Variants in ARHGAP44 observed in about 807,000 individuals in gnomAD.
The protein encoded by ARHGAP44 is rho GTPase-activating protein 44.
In ARHGAP44, 43 loss-of-function variants were observed where a neutral mutation model predicts 106.8. That is an observed-to-expected ratio of 0.40 (90% CI 0.32 to 0.52). The LOEUF (loss-of-function observed/expected upper bound fraction) is 0.52. Ranked by LOEUF, ARHGAP44 falls within the 20% of genes least tolerant of loss-of-function variation. ARHGAP44 has a pLI of 0.48. For synonymous variants in ARHGAP44, 439 were observed against 410.3 expected (o/e 1.07, Z -0.85); for missense variants, 866 against 1,050.5 (o/e 0.82, Z 2.43).
chr17:12,819,278 T>C (rs564559168), intron 1 of ARHGAP44, among the ~76,000 whole-genome samples: 1 of 152,218 alleles, frequency 6.6e-6, no homozygotes, highest in South Asian at 2.1e-4. Flanking sequence ...AGTATTTTTT[T>C]TTGGTCTTTT....
At chr17:12,976,094 T>G (rs2039673740) in intron 18 of ARHGAP44, among the ~76,000 whole-genome samples, 1 of 152,184 alleles carries the variant, frequency 6.6e-6, no homozygotes, top group South Asian at 2.1e-4. Flanking sequence ...GTGTCTCCTG[T>G]TAGAAGACAT....
chr17:12,985,106 C>A, intron 20 of ARHGAP44, 198 bp downstream of exon 20: 1 of 642,058 alleles, frequency 1.6e-6, no homozygotes, highest in Non-Finnish European at 2.6e-6. Flanking sequence ...GTGTCCCACA[C>A]AGGGGCTTCT....
chr17:12,868,062 C>T (rs574307184), intron 1 of ARHGAP44, among the ~76,000 whole-genome samples: 1 of 152,304 alleles, frequency 6.6e-6, no homozygotes, highest in Admixed American at 6.5e-5. Context: ...GTTTGGGCTG[C>T]AATTGCAAAG....
chr17:12,987,788 A>G (rs149998185), intron 20 of ARHGAP44: 1 of 152,382 alleles, frequency 6.6e-6, no homozygotes, highest in African/African-American at 2.4e-5. Context: ...CCAAGTGGAT[A>G]TGGCCAGACA....
intron 16 of ARHGAP44, 22 bp from the exon 17 acceptor site, chr17:12,973,280 C>G: frequency 6.2e-7 from 1 of 1,603,690 alleles, no homozygotes; most frequent in Non-Finnish European, 8.5e-7. Flanking sequence ...AAACTAATAT[C>G]TGTATGTTTC....
intron 3 of ARHGAP44, among the ~76,000 whole-genome samples, chr17:12,905,351 G>C (rs879720481): frequency 6.6e-6 from 1 of 152,194 alleles, no homozygotes; most frequent in Non-Finnish European, 1.5e-5. Context: ...TAGTGCAGGT[G>C]TTAAATGACT....
chr17:12,789,953 G>C, intron 1 of ARHGAP44, 62 bp downstream of exon 1: 2 of 1,436,528 alleles, frequency 1.4e-6, no homozygotes, highest in Non-Finnish European at 1.9e-6. Context: ...GCAGGGGCGC[G>C]CAGGTGATGG....
Position 12,974,114 on chromosome 17 carries a change from A to G in ARHGAP44, c.1567A>G (p.Asn523Asp). 6.4e-7 allele frequency: 1 copy of G among 1,571,664 alleles called. No individual in the cohort carries two copies. Among genetic ancestry groups the G allele is most frequent in the Non-Finnish European group, 8.6e-7 (1 of 1,158,424 alleles). The change falls in exon 18 of 21, where the codon AAC (asparagine) becomes GAC (aspartate). Residue 523 changes from asparagine to aspartate, a missense_variant. Transcript: ENST00000379672. ...CATGGGTGTGAGGGTCATGGACACA[A>G]ACTGGGTGGCTCGAAGAGGCTCCTC... ...QSMGVRVMDT[N>D]WVARRGSSAG... is the part of the protein sequence containing the mutation.
At chr17:12,810,865 C>T (rs1189164247) in intron 1 of ARHGAP44, among the ~76,000 whole-genome samples, 1 of 152,188 alleles carries the variant, frequency 6.6e-6, no homozygotes, top group African/African-American at 2.4e-5. Flanking sequence ...CCAGGTGTAA[C>T]TTTTGACCAC....
At chr17:12,847,510 C>CTTTTTTTTTTT in intron 1 of ARHGAP44, among the ~76,000 whole-genome samples, 1 of 133,602 alleles carries the variant, frequency 7.5e-6, no homozygotes, top group Non-Finnish European at 1.5e-5. Context: ...GCTACCATCA[C>CTTTTTTTTTTT]TCTTTTTTTT....
intron 4 of ARHGAP44, among the ~76,000 whole-genome samples, chr17:12,912,771 TCTGAAGGAAACCATG>T (rs1166518173): frequency 2.0e-5 from 3 of 152,210 alleles, no homozygotes; most frequent in African/African-American, 7.2e-5. Context: ...CCTTTAAAAT[TCTGAAGGAAACCATG>T]CTCAGCCTAG....
chr17:12,921,356 A>T (rs2038079605), intron 6 of ARHGAP44, among the ~76,000 whole-genome samples: 1 of 151,258 alleles, frequency 6.6e-6, no homozygotes, highest in Admixed American at 6.6e-5. Context: ...ATTATTTTTA[A>T]AAATTTTGAG....
At chr17:12,821,289 C>T (rs1009948517) in intron 1 of ARHGAP44, among the ~76,000 whole-genome samples, 4 of 152,108 alleles carry the variant, frequency 2.6e-5, no homozygotes, top group African/African-American at 9.7e-5. Flanking sequence ...ACCTGGTTAT[C>T]AATTGATAGA....
chr17:12,930,118 A>C (rs1469762518), intron 7 of ARHGAP44, among the ~76,000 whole-genome samples: 1 of 152,348 alleles, frequency 6.6e-6, no homozygotes, highest in South Asian at 2.1e-4. Flanking sequence ...CTGATTTGTC[A>C]TTTGAACTCC....
At chr17:12,806,330 G>A (rs1427704152) in intron 1 of ARHGAP44, among the ~76,000 whole-genome samples, 1 of 152,136 alleles carries the variant, frequency 6.6e-6, no homozygotes, top group African/African-American at 2.4e-5. Context: ...TGATTGCCAA[G>A]GGATATAGAG....
chr17:12,796,444 T>C (rs2033922398), intron 1 of ARHGAP44, among the ~76,000 whole-genome samples: 1 of 152,172 alleles, frequency 6.6e-6, no homozygotes, highest in Non-Finnish European at 1.5e-5. Flanking sequence ...ATGTGTATAT[T>C]ATACACACAT....
intron 1 of ARHGAP44, among the ~76,000 whole-genome samples, chr17:12,889,439 C>A (rs1446420042): frequency 6.6e-6 from 1 of 152,106 alleles, no homozygotes; most frequent in African/African-American, 2.4e-5. Context: ...AGGGGGCCAA[C>A]CTTGTCCTTT....
At chr17:12,883,465 A>T (rs2190704) in intron 1 of ARHGAP44, among the ~76,000 whole-genome samples, 1 of 151,534 alleles carries the variant, frequency 6.6e-6, no homozygotes, top group Non-Finnish European at 1.5e-5. Flanking sequence ...AGCTTCTTAA[A>T]TATTTTCAGC....
intron 15 of ARHGAP44, 120 bp downstream of exon 15, chr17:12,956,866 A>AACAC (rs3076699): frequency 0.026 from 16,245 of 621,652 alleles, 952 homozygotes; most frequent in African/African-American, 0.2. Flanking sequence ...TTCCCCTATA[A>AACAC]ACACACACAC....
Sources: allele counts gnomAD v4.1 joint callset (sites outside exome capture counted in the v4.1 genomes callset), GRCh38; gene constraint gnomAD v4.1.1; transcripts MANE v1.5; gene names NCBI Gene and HGNC (gene_info 2026-07-23, HGNC 2026-07-21).